The following TMEM178B variants were observed in gnomAD, a reference collection of about 807,000 sequenced individuals.
TMEM178B encodes the protein transmembrane protein 178B.
In TMEM178B, 5 loss-of-function variants were observed where a neutral mutation model predicts 31.0. The ratio of observed to expected loss-of-function variants is 0.16; its 90% CI spans 0.08 to 0.34. TMEM178B has a LOEUF of 0.34. Among genes scored for constraint, TMEM178B ranks in the 10% least tolerant of loss-of-function variants. The pLI, the probability that TMEM178B is intolerant of heterozygous loss-of-function variation, is 1.00. For synonymous variants in TMEM178B, 164 were observed against 164.0 expected (o/e 1.00, Z 0.00); for missense variants, 275 against 400.3 (o/e 0.69, Z 2.67).
At chr7:141,335,170 T>C (rs185278565) in intron 2 of TMEM178B, among the ~76,000 whole-genome samples, 111 of 152,222 alleles carry the variant, frequency 7.3e-4, no homozygotes, top group African/African-American at 2.5e-3. Context: ...GAAATTAATG[T>C]CAGGAGACCG....
At chr7:141,080,607 G>A (rs1794666879) in intron 1 of TMEM178B, among the ~76,000 whole-genome samples, 2 of 152,214 alleles carry the variant, frequency 1.3e-5, no homozygotes, top group African/African-American at 4.8e-5. Context: ...GTGATAGAGC[G>A]AGACTCCATC....
intron 2 of TMEM178B, among the ~76,000 whole-genome samples, chr7:141,369,552 T>C (rs1461181860): frequency 6.6e-6 from 1 of 152,000 alleles, no homozygotes; most frequent in Non-Finnish European, 1.5e-5. Context: ...AAGTGGAAAA[T>C]TCAAAGGAAG....
chr7:141,272,893 T>C (rs562981652), intron 2 of TMEM178B, among the ~76,000 whole-genome samples: 1 of 152,354 alleles, frequency 6.6e-6, no homozygotes, highest in African/African-American at 2.4e-5. Context: ...GAACTGAAAT[T>C]AGTCTGTCAA....
chr7:141,136,649 T>C (rs1264578806), intron 1 of TMEM178B, among the ~76,000 whole-genome samples: 1 of 152,022 alleles, frequency 6.6e-6, no homozygotes, highest in Non-Finnish European at 1.5e-5. Flanking sequence ...ATCCAGAATA[T>C]ATAAGGAACT....
At chr7:141,105,891 T>TA (rs1795137458) in intron 1 of TMEM178B, among the ~76,000 whole-genome samples, 1 of 152,072 alleles carries the variant, frequency 6.6e-6, no homozygotes, top group African/African-American at 2.4e-5. Flanking sequence ...GCTCAGGAGT[T>TA]AGAGACCAGC....
At chr7:141,139,119 A>G (rs1795725764) in intron 1 of TMEM178B, among the ~76,000 whole-genome samples, 1 of 152,212 alleles carries the variant, frequency 6.6e-6, no homozygotes. Flanking sequence ...GTTAAACTTT[A>G]TCTTTTAGAC....
chr7:141,305,530 C>T (rs1447819176), intron 2 of TMEM178B, among the ~76,000 whole-genome samples: 1 of 152,060 alleles, frequency 6.6e-6, no homozygotes, highest in Non-Finnish European at 1.5e-5. Context: ...AGGATTCAAG[C>T]AATTCTCCTG....
intron 2 of TMEM178B, among the ~76,000 whole-genome samples, chr7:141,375,303 G>A (rs1373461764): frequency 6.6e-6 from 1 of 152,190 alleles, no homozygotes; most frequent in African/African-American, 2.4e-5. Flanking sequence ...CTTGCAGCCT[G>A]AAGATACTGT....
At chr7:141,408,502 G>C (rs1800925503) in intron 2 of TMEM178B, among the ~76,000 whole-genome samples, 1 of 152,202 alleles carries the variant, frequency 6.6e-6, no homozygotes, top group African/African-American at 2.4e-5. Flanking sequence ...CAGAGTGGCA[G>C]GGCTGCTGCA....
chr7:141,389,221 T>A (rs1800489993), intron 2 of TMEM178B, among the ~76,000 whole-genome samples: 1 of 152,194 alleles, frequency 6.6e-6, no homozygotes, highest in African/African-American at 2.4e-5. Flanking sequence ...GAATGCATAG[T>A]AAAAAACACG....
At chr7:141,200,359 G>A (rs889270199) in intron 1 of TMEM178B, among the ~76,000 whole-genome samples, 6 of 151,840 alleles carry the variant, frequency 4.0e-5, no homozygotes, top group African/African-American at 1.5e-4. Flanking sequence ...TGGTTTTTCA[G>A]AGGTGGTTTT....
intron 3 of TMEM178B, among the ~76,000 whole-genome samples, chr7:141,469,355 C>A (rs377024019): frequency 6.6e-6 from 1 of 152,144 alleles, no homozygotes. Context: ...TAAATTATCA[C>A]GAGCTGGTGA....
At chr7:141,165,804 TACTTA>T (rs1484906050) in intron 1 of TMEM178B, among the ~76,000 whole-genome samples, 16 of 152,348 alleles carry the variant, frequency 1.1e-4, no homozygotes, top group Admixed American at 5.2e-4. Flanking sequence ...TTGGGAAAAT[TACTTA>T]ACTTCTCTGG....
chr7:141,216,011 A>G (rs1486670979), intron 2 of TMEM178B, among the ~76,000 whole-genome samples: 1 of 149,226 alleles, frequency 6.7e-6, no homozygotes, highest in Admixed American at 6.7e-5. Context: ...TTGTATTTTC[A>G]GTAGAGACCG....
chr7:141,097,223 A>G (rs571696162), intron 1 of TMEM178B, among the ~76,000 whole-genome samples: 2 of 152,030 alleles, frequency 1.3e-5, no homozygotes, highest in East Asian at 3.9e-4. Context: ...CCTATATCGC[A>G]GCTAACATTG....
intron 1 of TMEM178B, among the ~76,000 whole-genome samples, chr7:141,202,270 A>G (rs1306368175): frequency 1.3e-5 from 2 of 151,962 alleles, no homozygotes; most frequent in East Asian, 3.9e-4. Flanking sequence ...TTTACCATAG[A>G]TAGAAATACC....
Position 141,318,379 on chromosome 7 carries a change from A to T in TMEM178B, c.496+105675A>T, listed in dbSNP as rs1319096243. ...TTAATGCTACAAAGCTTGGTTGTTC[A>T]CATATCCAAGCTGGCTTGAATTAAT... On this transcript the variant is annotated intron_variant, in intron 2 of 3. Coordinates refer to ENST00000565468, the MANE Select transcript of TMEM178B (RefSeq NM_001195278.2). The surrounding 1 kb of genome is among the most constrained non-coding windows in gnomAD (Gnocchi z 4.1). Among the ~76,000 whole-genome samples the T allele has an allele frequency of 1.3e-5, 2 of 152,228 alleles. No homozygotes were observed. Among genetic ancestry groups the T allele is most frequent in the East Asian group, 3.8e-4 (2 of 5,208 alleles).
chr7:141,449,844 C>A (rs536341570), intron 3 of TMEM178B, among the ~76,000 whole-genome samples: 77 of 152,338 alleles, frequency 5.1e-4, no homozygotes, highest in African/African-American at 1.8e-3. Flanking sequence ...CTGAACAATT[C>A]AGCAGTCTGT....
At chr7:141,421,188 CA>C (rs1801203155) in intron 2 of TMEM178B, among the ~76,000 whole-genome samples, 2 of 152,174 alleles carry the variant, frequency 1.3e-5, no homozygotes, top group Admixed American at 1.3e-4. Context: ...GAGGTAAGAA[CA>C]TACTCTTTAG....
Sources: allele counts gnomAD v4.1 joint callset (sites outside exome capture counted in the v4.1 genomes callset), GRCh38; gene constraint gnomAD v4.1.1; non-coding constraint Gnocchi (gnomAD v3.1); transcripts MANE v1.5; gene names NCBI Gene and HGNC (gene_info 2026-07-23, HGNC 2026-07-21).